The following PALLD variants were observed in gnomAD, a reference collection of about 807,000 sequenced individuals.
PALLD encodes the protein palladin.
PALLD carries 61 observed loss-of-function variants against 123.5 expected under a neutral mutation model. The observed-to-expected ratio is 0.49, with a 90% CI of 0.40 to 0.61. PALLD has a LOEUF of 0.61. Ranked by LOEUF, PALLD falls within the 20% of genes least tolerant of loss-of-function variation. PALLD has a pLI of 0.00. For missense variants in PALLD, 1,273 were observed against 1,377.0 expected (o/e 0.92, Z 1.20); for synonymous variants, 465 against 496.4 (o/e 0.94, Z 0.84).
intron 10 of PALLD, among the ~76,000 whole-genome samples, chr4:168,794,506 GCACACACACA>G (rs57496563): frequency 2.8e-5 from 4 of 143,852 alleles, no homozygotes; most frequent in Non-Finnish European, 4.6e-5. Context: ...ACACACACAC[GCACACACACA>G]CACACACACA....
intron 10 of PALLD, among the ~76,000 whole-genome samples, chr4:168,761,753 C>T (rs1195339005): frequency 6.8e-6 from 1 of 146,910 alleles, no homozygotes; most frequent in Non-Finnish European, 1.5e-5. Flanking sequence ...CTCAAGTGAT[C>T]CACTGCCTCC....
chr4:168,646,937 A>G (rs1044120805), intron 2 of PALLD, among the ~76,000 whole-genome samples: 8 of 152,214 alleles, frequency 5.3e-5, no homozygotes, highest in Non-Finnish European at 7.3e-5. Flanking sequence ...CTCAATCCTC[A>G]AAACTACCAA....
chr4:168,752,693 A>G (rs1341191177), intron 10 of PALLD, among the ~76,000 whole-genome samples: 2 of 152,132 alleles, frequency 1.3e-5, no homozygotes, highest in East Asian at 1.9e-4. Flanking sequence ...TATTCCATAC[A>G]TATGATATCA....
At chr4:168,911,813 G>T (rs1759017597) in intron 15 of PALLD, among the ~76,000 whole-genome samples, 1 of 152,108 alleles carries the variant, frequency 6.6e-6, no homozygotes. Context: ...ATGTCTCCTT[G>T]GAAATTTTCA....
chr4:168,602,110 T>C (rs1251054771), intron 2 of PALLD, among the ~76,000 whole-genome samples: 4 of 152,174 alleles, frequency 2.6e-5, no homozygotes, highest in Non-Finnish European at 2.9e-5. Flanking sequence ...GTCTGGCCAG[T>C]CAGGGCAAGA....
Position 168,924,329 on chromosome 4 carries a change from C to T in PALLD, c.3133C>T (p.Arg1045Trp), listed in dbSNP as rs753881003. 6 of 1,613,692 alleles carry T rather than the reference C, an allele frequency of 3.7e-6. No homozygotes were observed. The highest frequency in any genetic ancestry group is 5.1e-6 in the Non-Finnish European group (6 of 1,179,704). The change falls in exon 19 of 22, where the codon CGG (arginine) becomes TGG (tryptophan). Residue 1045 changes from arginine to tryptophan, a missense_variant. By Grantham distance (101) the Arg-to-Trp change is moderately radical. This residue lies in a region of PALLD where 329 missense variants were observed against 422.5 expected (regional missense o/e 0.78). Transcript: ENST00000505667. ...AGGAGTTGCTGATGGGTACCCAGTG[C>T]GGCTGGAATGTCGTGTATTGGGAGT... ...NTGVADGYPV[R>W]LECRVLGVPP...
rs1174502155 is a variant in PALLD, at chr4:168,862,795, G to T, written c.1965-28127G>T. Among the ~76,000 whole-genome samples the T allele has an allele frequency of 2.0e-5, 3 of 152,190 alleles. No homozygotes were observed. In the East Asian group the frequency reaches 5.8e-4, roughly 29 times the overall value. Reference sequence around the variant, plus strand: ...GAAATGAAAAGATATGGATAAATTTGCATCTGCCAGATCTGCTTAGGGAAA... The same window carrying T: ...GAAATGAAAAGATATGGATAAATTTTCATCTGCCAGATCTGCTTAGGGAAA... On this transcript the variant is annotated intron_variant, in intron 10 of 21. Transcript: ENST00000505667.
intron 2 of PALLD, among the ~76,000 whole-genome samples, chr4:168,590,660 A>G (rs10033921): frequency 0.45 from 68,687 of 151,808 alleles, 16,622 homozygotes; most frequent in African/African-American, 0.63. Context: ...GATTATCCTA[A>G]AGAACCAGGA....
intron 10 of PALLD, among the ~76,000 whole-genome samples, chr4:168,723,932 TGC>T (rs1296267663): frequency 6.7e-6 from 1 of 149,350 alleles, no homozygotes; most frequent in African/African-American, 2.5e-5. Context: ...CTCACTCTGT[TGC>T]CAGGCTGGAG....
At position 168,748,830 on chromosome 4, in the gene PALLD, G is replaced by A. The variant is rs568586809; in HGVS notation, c.1964+36907G>A. ...TATCTGCCATGTGGCCCTCTCCAGA[G>A]GCAGTTCACAGTGTGGCAATTTGCT... On this transcript the variant is annotated intron_variant, in intron 10 of 21. Transcript: ENST00000505667. Among the ~76,000 whole-genome samples the A allele has an allele frequency of 1.5e-3, 226 of 152,336 alleles. 1 individual carries two copies. The highest frequency in any genetic ancestry group is 5.2e-3 in the African/African-American group (215 of 41,574).
rs767777801 is a variant in PALLD at position 168,850,523 on chromosome 4, C to CTTTTTTTTTT, written c.1965-40380_1965-40371dup. On this transcript the variant is annotated intron_variant, in intron 10 of 21. Coordinates refer to ENST00000505667, the MANE Select transcript of PALLD (RefSeq NM_001166108.2). ...TATATAATTTGTAAGTCTGTCATTT[C>CTTTTTTTTTT]TTTTTTTTTTTTTTTTTTTTTTTTT... 2.7e-3 allele frequency among the ~76,000 whole-genome samples: 95 copies of CTTTTTTTTTT among 34,706 alleles called. 17 individuals carry two copies. Among genetic ancestry groups the CTTTTTTTTTT allele is most frequent in the Non-Finnish European group, 3.1e-3 (66 of 21,438 alleles). The allele number at this position is 34,706 out of a possible 152,430, so 22.8% of individuals were successfully genotyped here.
chr4:168,773,941 C>A (rs1483275226), intron 10 of PALLD, among the ~76,000 whole-genome samples: 1 of 152,096 alleles, frequency 6.6e-6, no homozygotes, highest in African/African-American at 2.4e-5. Flanking sequence ...TTCAATTTAA[C>A]CATGTATTAT....
At chr4:168,752,395 C>G (rs1380101981) in intron 10 of PALLD, among the ~76,000 whole-genome samples, 2 of 152,188 alleles carry the variant, frequency 1.3e-5, no homozygotes, top group Non-Finnish European at 2.9e-5. Flanking sequence ...AAGTCTATTT[C>G]TTAAATACCA....
intron 10 of PALLD, among the ~76,000 whole-genome samples, chr4:168,751,347 A>C (rs1292833994): frequency 1.3e-5 from 2 of 152,166 alleles, no homozygotes; most frequent in African/African-American, 4.8e-5. Flanking sequence ...CCGGCAGTAT[A>C]ATATATGCTA....
At chr4:168,691,443 A>G (rs1266111500) in intron 8 of PALLD, 151 bp downstream of exon 8, 2 of 673,546 alleles carry the variant, frequency 3.0e-6, no homozygotes, top group Non-Finnish European at 5.2e-6. Context: ...CTTAAAAACA[A>G]TATCTTCTTT....
In PALLD at chr4:168,518,892, A is replaced by G. The variant is rs79812140; in HGVS notation, c.908+6480A>G. On this transcript the variant is annotated intron_variant, in intron 2 of 21. Transcript: ENST00000505667. ...AGTGTCTGGCATGTAACAGGTGCTC[A>G]ATAAATATGTGCTCAAGAAACTGGA... Among the ~76,000 whole-genome samples the G allele has an allele frequency of 7.8e-3, 1,195 of 152,342 alleles. 56 individuals are homozygous for G. In the South Asian group the frequency reaches 0.14, roughly 18 times the overall value.
At chr4:168,665,411 C>T (rs561105721) in intron 2 of PALLD, among the ~76,000 whole-genome samples, 16 of 152,080 alleles carry the variant, frequency 1.1e-4, no homozygotes, top group Non-Finnish European at 1.8e-4. Context: ...CTTTGGCATG[C>T]GAGGGACCAG....
At chr4:168,750,530 T>TTA (rs1043697214) in intron 10 of PALLD, among the ~76,000 whole-genome samples, 3 of 152,160 alleles carry the variant, frequency 2.0e-5, no homozygotes, top group Non-Finnish European at 2.9e-5. Flanking sequence ...GTTGCAGAAA[T>TTA]TATATATATA....
intron 10 of PALLD, among the ~76,000 whole-genome samples, chr4:168,765,714 G>A (rs922429223): frequency 2.6e-5 from 4 of 152,334 alleles, no homozygotes; most frequent in African/African-American, 9.6e-5. Flanking sequence ...GTCATCTGCT[G>A]CTCAGTGGTA....
Sources: allele counts gnomAD v4.1 joint callset (sites outside exome capture counted in the v4.1 genomes callset), GRCh38; gene constraint gnomAD v4.1.1; regional missense constraint gnomAD v4.1.1; transcripts MANE v1.5; gene names NCBI Gene and HGNC (gene_info 2026-07-23, HGNC 2026-07-21).